STX18: variants seen among roughly 807,000 people sequenced by gnomAD.
STX18 encodes syntaxin-18.
Under a neutral mutation model 50.1 loss-of-function variants are expected in STX18, and 40 were observed. The observed-to-expected ratio is 0.80, with a 90% confidence interval of 0.62 to 1.04. The LOEUF (loss-of-function observed/expected upper bound fraction) is 1.04, where lower values mean the gene tolerates loss of function less well. Among genes scored for constraint, STX18 ranks in the 50% least tolerant of loss-of-function variants. The pLI, the probability that STX18 is intolerant of heterozygous loss-of-function variation, is 0.00. For missense variants in STX18, 410 were observed against 415.8 expected (o/e 0.99, Z 0.12); for synonymous variants, 158 against 151.8 (o/e 1.04, Z -0.30).
chr4:4,525,165 C>T (rs948351325), intron 1 of STX18, among the ~76,000 whole-genome samples: 1 of 151,786 alleles, frequency 6.6e-6, no homozygotes, highest in Admixed American at 6.6e-5. Flanking sequence ...TTTGAAAAGG[C>T]CTTTATGAGA....
At chr4:4,498,655 C>CAAAAAAA (rs1375911584) in intron 1 of STX18, among the ~76,000 whole-genome samples, 1 of 152,056 alleles carries the variant, frequency 6.6e-6, no homozygotes, top group East Asian at 1.9e-4. Context: ...ATTGTCAGAG[C>CAAAAAAA]AAAACTATCA....
At chr4:4,487,913 A>G (rs1728768672) in intron 1 of STX18, among the ~76,000 whole-genome samples, 1 of 152,216 alleles carries the variant, frequency 6.6e-6, no homozygotes, top group African/African-American at 2.4e-5. Context: ...ACAAATGTCT[A>G]GGAACATTCA....
At position 4,534,372 on chromosome 4, in the gene STX18, T is replaced by A. The variant is rs553005081; in HGVS notation, c.168+7425A>T. ...TGAAAACTCTGTTATTGTAATCTTCTACCATTTAACTTTTCAACCAGAAAG... is the reference window on the plus strand; with the variant it reads ...TGAAAACTCTGTTATTGTAATCTTCAACCATTTAACTTTTCAACCAGAAAG... On this transcript the variant is annotated intron_variant, in intron 1 of 10. Transcript: ENST00000306200. 3.3e-5 allele frequency among the ~76,000 whole-genome samples: 5 copies of A among 152,364 alleles called. No homozygotes were observed. The East Asian group carries it at 9.6e-4, about 29-fold the overall frequency.
At chr4:4,482,887 A>G (rs1728528726) in intron 1 of STX18, among the ~76,000 whole-genome samples, 1 of 152,242 alleles carries the variant, frequency 6.6e-6, no homozygotes, top group Non-Finnish European at 1.5e-5. Context: ...ACCAGAAAAA[A>G]TAAATAAGGC....
chr4:4,425,963 C>T (rs1417536061), intron 7 of STX18: 1 of 152,332 alleles, frequency 6.6e-6, no homozygotes, highest in Non-Finnish European at 1.5e-5. Flanking sequence ...AGCTCCTTGC[C>T]CTCACTGCAG....
At chr4:4,435,584 ATATTC>A (rs1210936102) in intron 6 of STX18, among the ~76,000 whole-genome samples, 1 of 152,152 alleles carries the variant, frequency 6.6e-6, no homozygotes, top group Non-Finnish European at 1.5e-5. Flanking sequence ...TTGCTGCATG[ATATTC>A]CATCGTGAGG....
At chr4:4,440,539 C>T (rs1409478251) in intron 5 of STX18, among the ~76,000 whole-genome samples, 1 of 152,178 alleles carries the variant, frequency 6.6e-6, no homozygotes, top group African/African-American at 2.4e-5. Context: ...GAAAGGACTT[C>T]TGTGGTCGAA....
intron 5 of STX18, among the ~76,000 whole-genome samples, chr4:4,451,122 T>A (rs1190697690): frequency 6.6e-6 from 1 of 152,236 alleles, no homozygotes; most frequent in African/African-American, 2.4e-5. Flanking sequence ...GATCAGTTTA[T>A]GCCCCATGAT....
intron 7 of STX18, among the ~76,000 whole-genome samples, chr4:4,427,008 C>T (rs1314606889): frequency 1.3e-5 from 2 of 152,218 alleles, no homozygotes; most frequent in African/African-American, 4.8e-5. Flanking sequence ...ATCACCTTCT[C>T]TTACTTTCTC....
chr4:4,493,917 T>G (rs1729054649), intron 1 of STX18, among the ~76,000 whole-genome samples: 1 of 152,228 alleles, frequency 6.6e-6, no homozygotes, highest in Admixed American at 6.5e-5. Flanking sequence ...AAGAGGTTCG[T>G]GGGCTTTCAA....
intron 1 of STX18, among the ~76,000 whole-genome samples, chr4:4,502,744 A>C (rs1729514147): frequency 6.6e-6 from 1 of 152,188 alleles, no homozygotes; most frequent in South Asian, 2.1e-4. Flanking sequence ...TGTGTGCAGC[A>C]CATGTAATTT....
intron 1 of STX18, among the ~76,000 whole-genome samples, chr4:4,519,855 A>C (rs948348692): frequency 6.6e-6 from 1 of 152,212 alleles, no homozygotes; most frequent in African/African-American, 2.4e-5. Flanking sequence ...TGCCTAATAC[A>C]ATTCCCTGTA....
chr4:4,430,773 C>G (rs902779586), intron 7 of STX18, among the ~76,000 whole-genome samples: 2 of 152,168 alleles, frequency 1.3e-5, no homozygotes, highest in African/African-American at 4.8e-5. Flanking sequence ...TTTGCTCTGC[C>G]CTGCCCTCTG....
chr4:4,465,128 T>C (rs1284087332), intron 2 of STX18, among the ~76,000 whole-genome samples: 1 of 152,216 alleles, frequency 6.6e-6, no homozygotes, highest in Non-Finnish European at 1.5e-5. Flanking sequence ...TGGTAAGTTT[T>C]ATCTTTGTTC....
intron 1 of STX18, among the ~76,000 whole-genome samples, chr4:4,526,326 T>G (rs141316416): frequency 1.3e-5 from 2 of 152,124 alleles, no homozygotes; most frequent in Non-Finnish European, 1.5e-5. Context: ...CCAAATACTA[T>G]GTACTGAACT....
At chr4:4,462,539 G>A (rs927977713) in intron 2 of STX18, among the ~76,000 whole-genome samples, 2 of 152,124 alleles carry the variant, frequency 1.3e-5, no homozygotes, top group African/African-American at 4.8e-5. Flanking sequence ...ATGAACAACT[G>A]GCCTCGGGAA....
intron 5 of STX18, among the ~76,000 whole-genome samples, chr4:4,439,432 C>T (rs1725982994): frequency 8.3e-6 from 1 of 120,042 alleles, no homozygotes. Context: ...TATATACCCC[C>T]CACATATACC....
intron 1 of STX18, among the ~76,000 whole-genome samples, chr4:4,525,687 C>T (rs1730717223): frequency 1.3e-5 from 2 of 152,060 alleles, no homozygotes; most frequent in African/African-American, 4.8e-5. Context: ...CTTTTCCATC[C>T]CCTGTGCCCA....
At chr4:4,509,759 A>C (rs143927320) in intron 1 of STX18, among the ~76,000 whole-genome samples, 1,538 of 151,734 alleles carry the variant, frequency 0.01, 32 homozygotes, top group African/African-American at 0.034. Context: ...TCTAATTTTC[A>C]ACAGGGTGGT....
Sources: gnomAD v4.1 joint callset for allele counts (sites outside exome capture counted in the v4.1 genomes callset) on GRCh38, gnomAD v4.1.1 for gene constraint, MANE v1.5 for transcripts, NCBI Gene and HGNC (gene_info 2026-07-23, HGNC 2026-07-21) for gene names.